Variants in KIF13B observed in about 807,000 individuals in gnomAD.
KIF13B encodes kinesin-like protein KIF13B.
Under a neutral mutation model 222.0 loss-of-function variants are expected in KIF13B, and 127 were observed. The ratio of observed to expected loss-of-function variants is 0.57; its 90% CI spans 0.50 to 0.66. The LOEUF is 0.66. KIF13B is among the 30% of genes least tolerant of loss of function. KIF13B has a pLI of 0.00. For synonymous variants in KIF13B, 976 were observed against 919.0 expected (o/e 1.06, Z -1.12); for missense variants, 2,173 against 2,379.0 (o/e 0.91, Z 1.80).
intron 4 of KIF13B, among the ~76,000 whole-genome samples, chr8:29,188,948 C>A (rs1195563294): frequency 1.3e-5 from 2 of 152,158 alleles, no homozygotes; most frequent in African/African-American, 4.8e-5. Flanking sequence ...TAACTATTTA[C>A]CACTCAGGCA....
intron 1 of KIF13B, among the ~76,000 whole-genome samples, chr8:29,253,610 C>T (rs954933429): frequency 1.2e-4 from 18 of 151,654 alleles, no homozygotes; most frequent in Non-Finnish European, 1.5e-5. Flanking sequence ...GACTAAGAAA[C>T]AGGTATTTAA....
intron 2 of KIF13B, among the ~76,000 whole-genome samples, chr8:29,235,059 T>A (rs929900482): frequency 6.6e-6 from 1 of 152,228 alleles, no homozygotes; most frequent in Admixed American, 6.5e-5. Flanking sequence ...CAGAATTGTT[T>A]AATCTTCAGG....
At position 29,132,317 on chromosome 8, in the gene KIF13B, A is replaced by C; in HGVS notation, c.2933T>G (p.Leu978Arg). 1 of 1,529,424 alleles carries C rather than the reference A, an allele frequency of 6.5e-7. No individual in the cohort carries two copies. Among genetic ancestry groups the C allele is most frequent in the South Asian group, 1.3e-5 (1 of 76,624 alleles). 94.7% of individuals were successfully genotyped at this position (1,529,424 alleles called of 1,614,324 possible). A position where few individuals can be genotyped will look rare whatever the true frequency, so the allele number is the denominator to read the frequency against. Residue 978 changes from leucine (L) to arginine (R), a missense_variant, in exon 23 of 40, where the codon CTT becomes CGT. By Grantham distance (102) the Leu-to-Arg change is moderately radical (BLOSUM62 -2). Transcript: ENST00000524189. ...LGIIQAKTRS[L>R]RDRWSEVTRK... ...AACATCTAATATTCACCTGTCCCGA[A>C]GACTACGTGTCTTTGCTTGGATGAT...
At chr8:29,138,606 C>A (rs903298103) in intron 21 of KIF13B, 4 of 152,232 alleles carry the variant, frequency 2.6e-5, no homozygotes, top group African/African-American at 9.7e-5. Flanking sequence ...ACGCAGGCCA[C>A]CACCTACAAA....
intron 28 of KIF13B, among the ~76,000 whole-genome samples, chr8:29,123,147 T>C (rs926728935): frequency 2.0e-5 from 3 of 152,234 alleles, no homozygotes; most frequent in African/African-American, 7.2e-5. Context: ...TTCTCAGAAA[T>C]CTTAATGACT....
chr8:29,097,866 A>G (rs1037204687), intron 36 of KIF13B, among the ~76,000 whole-genome samples: 4 of 152,174 alleles, frequency 2.6e-5, no homozygotes, highest in African/African-American at 9.6e-5. Context: ...AGATCCTATA[A>G]GTATTTAAAA....
intron 24 of KIF13B, among the ~76,000 whole-genome samples, chr8:29,129,561 G>A (rs565574317): frequency 6.6e-4 from 100 of 151,958 alleles, no homozygotes; most frequent in Non-Finnish European, 1.2e-3. Context: ...TCGTTTTCTA[G>A]AGCGATTCTA....
chr8:29,117,110 T>C (rs894778129), intron 30 of KIF13B, 103 bp from the exon 31 acceptor site: 1 of 1,007,178 alleles, frequency 9.9e-7, no homozygotes, highest in Non-Finnish European at 1.4e-6. Flanking sequence ...CACATGCCAG[T>C]CACCAGCAAA....
intron 32 of KIF13B, among the ~76,000 whole-genome samples, chr8:29,112,694 C>T (rs1341688926): frequency 1.3e-5 from 2 of 152,152 alleles, no homozygotes; most frequent in Non-Finnish European, 2.9e-5. Flanking sequence ...TCTCTTTTCA[C>T]AGAGTCCTTC....
At chr8:29,232,004 T>G (rs533789518) in intron 2 of KIF13B, among the ~76,000 whole-genome samples, 1 of 152,190 alleles carries the variant, frequency 6.6e-6, no homozygotes, top group South Asian at 2.1e-4. Flanking sequence ...GCCTACAATC[T>G]CAACACTTGG....
chr8:29,080,263 G>A (rs753589556), intron 37 of KIF13B, among the ~76,000 whole-genome samples: 13 of 147,632 alleles, frequency 8.8e-5, no homozygotes, highest in East Asian at 2.0e-4. Flanking sequence ...CCAGAAGGTC[G>A]AGGCTGCAGT....
intron 21 of KIF13B, 99 bp downstream of exon 21, chr8:29,139,964 T>C (rs1011849759): frequency 4.7e-6 from 5 of 1,065,316 alleles, no homozygotes; most frequent in Middle Eastern, 2.1e-4. Context: ...AGCTATTAGG[T>C]TGGTGCAAAA....
At chr8:29,196,536 C>T (rs771053064) in intron 2 of KIF13B, among the ~76,000 whole-genome samples, 1 of 152,024 alleles carries the variant, frequency 6.6e-6, no homozygotes, top group Non-Finnish European at 1.5e-5. Flanking sequence ...ATTTTTTAAT[C>T]TTTTACTTTT....
At chr8:29,222,004 C>T (rs2130532543) in intron 2 of KIF13B, among the ~76,000 whole-genome samples, 1 of 152,088 alleles carries the variant, frequency 6.6e-6, no homozygotes, top group South Asian at 2.1e-4. Context: ...GAATTTTGTT[C>T]TAATATAAAT....
intron 21 of KIF13B, 74 bp from the exon 22 acceptor site, chr8:29,134,284 C>G: frequency 4.9e-6 from 7 of 1,435,044 alleles, no homozygotes; most frequent in Non-Finnish European, 6.7e-6. Context: ...AGGTTCCAGC[C>G]CCGGCTCTGT....
chr8:29,199,078 TAA>T (rs1176681910), intron 2 of KIF13B, among the ~76,000 whole-genome samples: 2 of 151,172 alleles, frequency 1.3e-5, no homozygotes, highest in African/African-American at 4.9e-5. Flanking sequence ...AATAAAAAAA[TAA>T]AATTTTTTAA....
chr8:29,202,080 A>T (rs1342439694), intron 2 of KIF13B, among the ~76,000 whole-genome samples: 1 of 152,222 alleles, frequency 6.6e-6, no homozygotes, highest in African/African-American at 2.4e-5. Flanking sequence ...ACATTGATAA[A>T]GTAGAGTATG....
In KIF13B at chr8:29,122,699, T is replaced by A. The variant is rs371423665; in HGVS notation, c.3480-53A>T. On this transcript the variant is annotated intron_variant, in intron 28 of 39. Coordinates refer to ENST00000524189, the MANE Select transcript of KIF13B (RefSeq NM_015254.4). ...GCCTCAGGTTACTTTCTCAGTGGCA[T>A]GCACGTAGGAACACAGCCTTAATGG... is the stretch of plus-strand genomic sequence containing the variant. 28 of 1,427,482 alleles carry A rather than the reference T, an allele frequency of 2.0e-5. No individual in the cohort carries two copies. The South Asian group carries it at 2.9e-4, about 15-fold the overall frequency. 88.4% of individuals were successfully genotyped at this position (1,427,482 alleles called of 1,614,324 possible). A position where few individuals can be genotyped will look rare whatever the true frequency, so the allele number is the denominator to read the frequency against.
At chr8:29,222,181 T>C (rs942349985) in intron 2 of KIF13B, among the ~76,000 whole-genome samples, 3 of 151,802 alleles carry the variant, frequency 2.0e-5, no homozygotes, top group Admixed American at 2.0e-4. Context: ...ACCCCATCTC[T>C]ACAAAAAAAG....
Sources: allele counts gnomAD v4.1 joint callset (sites outside exome capture counted in the v4.1 genomes callset), GRCh38; gene constraint gnomAD v4.1.1; transcripts MANE v1.5; gene names NCBI Gene and HGNC (gene_info 2026-07-23, HGNC 2026-07-21).